Variants in CNNM2 observed in about 807,000 individuals in gnomAD.
CNNM2 encodes metal transporter CNNM2.
In CNNM2, 12 loss-of-function variants were observed where a neutral mutation model predicts 66.9. That is an observed-to-expected ratio of 0.18 (90% CI 0.11 to 0.29). The LOEUF is 0.29. Ranked by LOEUF, CNNM2 falls within the 10% of genes least tolerant of loss-of-function variation. CNNM2 has a pLI of 1.00. For synonymous variants in CNNM2, 557 were observed against 501.8 expected (o/e 1.11, Z -1.47); for missense variants, 705 against 1,167.7 (o/e 0.60, Z 5.77).
intron 1 of CNNM2, among the ~76,000 whole-genome samples, chr10:103,021,373 G>A (rs1051851902): frequency 3.9e-5 from 6 of 152,150 alleles, no homozygotes; most frequent in African/African-American, 9.7e-5. Context: ...GCAGAGTCCC[G>A]TCGAATGTGT....
intron 1 of CNNM2, among the ~76,000 whole-genome samples, chr10:103,025,187 G>C (rs571390279): frequency 4.5e-4 from 69 of 152,284 alleles, no homozygotes; most frequent in South Asian, 1.7e-3. Context: ...CAACTCCCTG[G>C]TTCAAGCGAT....
chr10:102,940,714 G>C (rs902565148), intron 1 of CNNM2, among the ~76,000 whole-genome samples: 2 of 144,222 alleles, frequency 1.4e-5, no homozygotes, highest in African/African-American at 5.2e-5. Context: ...CACCGCGCCT[G>C]GTCCTTATTT....
Position 103,085,435 on chromosome 10 carries a change from C to T in CNNM2, c.*8255C>T, listed in dbSNP as rs567135938. The T allele has an allele frequency of 6.6e-6, 1 of 152,288 alleles. No individual in the cohort carries two copies. Among genetic ancestry groups the T allele is most frequent in the Admixed American group, 6.5e-5 (1 of 15,296 alleles). 9.4% of individuals were successfully genotyped at this position (152,288 alleles called of 1,614,324 possible). On this transcript the variant is annotated 3_prime_UTR_variant, in exon 8 of 8. Transcript: ENST00000369878. ...ATCTTCTTTCCAAGTATCTCAAGAACTTGTGAGACGTGGAAGGACTATTGC... is the reference window on the plus strand; with the variant it reads ...ATCTTCTTTCCAAGTATCTCAAGAATTTGTGAGACGTGGAAGGACTATTGC...
In CNNM2 at chr10:103,086,730, G is replaced by A. The variant is rs1423883313; in HGVS notation, c.*9550G>A. The A allele has an allele frequency of 6.6e-6, 1 of 152,182 alleles. No homozygotes were observed. The highest frequency in any genetic ancestry group is 6.5e-5 in the Admixed American group (1 of 15,286). The allele number at this position is 152,182 out of a possible 1,614,324, so 9.4% of individuals were successfully genotyped here. ...CGACTTCTAAAAGTATCTTAGGGTA[G>A]CTTGAAGGGTTTGCGTTATTATTTT... On this transcript the variant is annotated 3_prime_UTR_variant, in exon 8 of 8. Transcript: ENST00000369878.
intron 1 of CNNM2, among the ~76,000 whole-genome samples, chr10:103,011,212 T>C (rs2064335997): frequency 1.3e-5 from 2 of 152,090 alleles, no homozygotes; most frequent in African/African-American, 2.4e-5. Flanking sequence ...CTCAACACTT[T>C]AGGAGGCTGA....
intron 1 of CNNM2, among the ~76,000 whole-genome samples, chr10:102,972,659 G>C (rs1053138904): frequency 6.6e-6 from 1 of 152,100 alleles, no homozygotes; most frequent in Non-Finnish European, 1.5e-5. Context: ...CCCTGATTCT[G>C]ATGTGAAACC....
intron 1 of CNNM2, among the ~76,000 whole-genome samples, chr10:102,939,172 G>A (rs996082944): frequency 1.3e-4 from 20 of 152,272 alleles, no homozygotes; most frequent in Admixed American, 1.2e-3. Flanking sequence ...CTGCCTAGTT[G>A]TTTGAGGATC....
At chr10:102,949,310 G>A (rs1846737589) in intron 1 of CNNM2, among the ~76,000 whole-genome samples, 1 of 151,992 alleles carries the variant, frequency 6.6e-6, no homozygotes, top group African/African-American at 2.4e-5. Flanking sequence ...TGAGGAGCTG[G>A]GATTACAGGC....
chr10:102,982,767 CA>C (rs1256450475), intron 1 of CNNM2, among the ~76,000 whole-genome samples: 4 of 152,238 alleles, frequency 2.6e-5, no homozygotes, highest in Admixed American at 2.0e-4. Context: ...TGACGATACT[CA>C]TTGTTATTTC....
intron 1 of CNNM2, among the ~76,000 whole-genome samples, chr10:102,996,891 A>G (rs888480755): frequency 1.3e-5 from 2 of 152,098 alleles, no homozygotes; most frequent in Non-Finnish European, 2.9e-5. Context: ...TCTCCATTGT[A>G]TAATTCATTC....
chr10:103,053,697 C>CCCTTTT (rs2065252466), intron 2 of CNNM2, among the ~76,000 whole-genome samples: 1 of 152,172 alleles, frequency 6.6e-6, no homozygotes, highest in African/African-American at 2.4e-5. Flanking sequence ...GACTCTCTGG[C>CCCTTTT]CCTTTTCGGA....
In CNNM2 at chr10:103,077,221, T is replaced by G; in HGVS notation, c.*41T>G. The G allele has an allele frequency of 1.3e-6, 2 of 1,576,090 alleles. No individual in the cohort carries two copies. The highest frequency in any genetic ancestry group is 1.7e-6 in the Non-Finnish European group (2 of 1,153,110). ...CCCGCCCAGGCCCGCACCCGCCCAGTCCCGAGGGCCCGGCCCTGTCTGCCC... is the reference window on the plus strand; with the variant it reads ...CCCGCCCAGGCCCGCACCCGCCCAGGCCCGAGGGCCCGGCCCTGTCTGCCC... On this transcript the variant is annotated 3_prime_UTR_variant, in exon 8 of 8. Coordinates refer to ENST00000369878, the MANE Select transcript of CNNM2 (RefSeq NM_017649.5).
intron 3 of CNNM2, among the ~76,000 whole-genome samples, chr10:103,056,023 G>A (rs138522272): frequency 4.6e-5 from 7 of 151,686 alleles, no homozygotes; most frequent in South Asian, 2.1e-4. Context: ...GGGAGGTGGC[G>A]GTTGCAGTGA....
chr10:103,002,052 C>T (rs2064133184), intron 1 of CNNM2, among the ~76,000 whole-genome samples: 1 of 151,950 alleles, frequency 6.6e-6, no homozygotes, highest in African/African-American at 2.4e-5. Flanking sequence ...CAGGAATAAA[C>T]CTTCATGACT....
intron 1 of CNNM2, among the ~76,000 whole-genome samples, chr10:102,967,378 C>G (rs2063479851): frequency 6.6e-6 from 1 of 152,156 alleles, no homozygotes; most frequent in South Asian, 2.1e-4. Flanking sequence ...CCACCTCAAC[C>G]CAGTTTTAGA....
At chr10:102,995,961 A>G (rs1036645664) in intron 1 of CNNM2, among the ~76,000 whole-genome samples, 15 of 152,166 alleles carry the variant, frequency 9.9e-5, no homozygotes, top group African/African-American at 3.1e-4. Context: ...GGGCCTCCCA[A>G]AGTGCTGGGA....
At chr10:102,930,596 G>A (rs1430946435) in intron 1 of CNNM2, among the ~76,000 whole-genome samples, 1 of 152,132 alleles carries the variant, frequency 6.6e-6, no homozygotes, top group Non-Finnish European at 1.5e-5. Flanking sequence ...TAAAGTATGT[G>A]ATTTGATGCT....
chr10:102,978,795 A>G (rs1003158216), intron 1 of CNNM2, among the ~76,000 whole-genome samples: 2 of 152,178 alleles, frequency 1.3e-5, no homozygotes, highest in African/African-American at 4.8e-5. Flanking sequence ...CCCAAGGGTA[A>G]TCATCACCTT....
Position 103,077,460 on chromosome 10 carries a change from C to A in CNNM2, c.*280C>A. ...ATCATGTTTATTTTTTCAGCTCTCC[C>A]TTTTATCATTATTCACACTCCTCTG... On this transcript the variant is annotated 3_prime_UTR_variant, in exon 8 of 8. Transcript: ENST00000369878. The A allele has an allele frequency of 2.3e-6, 1 of 431,710 alleles. No homozygotes were observed. The highest frequency in any genetic ancestry group is 3.8e-5 in the East Asian group (1 of 26,554). 26.7% of individuals were successfully genotyped at this position (431,710 alleles called of 1,614,324 possible). A position where few individuals can be genotyped will look rare whatever the true frequency, so the allele number is the denominator to read the frequency against.
Sources: allele counts gnomAD v4.1 joint callset (sites outside exome capture counted in the v4.1 genomes callset), GRCh38; gene constraint gnomAD v4.1.1; transcripts MANE v1.5; gene names NCBI Gene and HGNC (gene_info 2026-07-23, HGNC 2026-07-21).